Variants in ATP8B4 observed in about 807,000 individuals in gnomAD.
ATP8B4 encodes the protein ATPase phospholipid transporting 8B4 (putative), also known as probable phospholipid-transporting ATPase IM.
ATP8B4 carries 133 observed loss-of-function variants against 145.6 expected under a neutral mutation model. That is an observed-to-expected ratio of 0.91 (90% CI 0.79 to 1.05). The LOEUF is 1.05. Among genes scored for constraint, ATP8B4 ranks in the 50% least tolerant of loss-of-function variants. The pLI, the probability that ATP8B4 is intolerant of heterozygous loss-of-function variation, is 0.00. For synonymous variants in ATP8B4, 507 were observed against 492.9 expected (o/e 1.03, Z -0.38); for missense variants, 1,458 against 1,425.2 (o/e 1.02, Z -0.37).
At chr15:49,887,218 A>G (rs2036294186) in intron 23 of ATP8B4, among the ~76,000 whole-genome samples, 1 of 151,968 alleles carries the variant, frequency 6.6e-6, no homozygotes, top group Non-Finnish European at 1.5e-5. Context: ...TGTGGTCCTT[A>G]GATCCCCTTG....
At chr15:49,949,857 T>G (rs893274214) in intron 14 of ATP8B4, among the ~76,000 whole-genome samples, 2 of 152,170 alleles carry the variant, frequency 1.3e-5, no homozygotes, top group African/African-American at 2.4e-5. Context: ...TTATCGAGAG[T>G]TTTTAACATT....
chr15:49,893,337 A>G (rs1403034588), intron 23 of ATP8B4, among the ~76,000 whole-genome samples: 1 of 152,198 alleles, frequency 6.6e-6, no homozygotes, highest in African/African-American at 2.4e-5. Context: ...AGAACTCCCA[A>G]ATATTATTAT....
chr15:49,997,396 A>G (rs1258141330), intron 8 of ATP8B4, among the ~76,000 whole-genome samples: 7 of 152,110 alleles, frequency 4.6e-5, no homozygotes, highest in Non-Finnish European at 1.0e-4. Flanking sequence ...TATGGCCATC[A>G]CTTACGTCTT....
chr15:49,921,791 T>C (rs930691557), intron 17 of ATP8B4, among the ~76,000 whole-genome samples: 1 of 152,194 alleles, frequency 6.6e-6, no homozygotes, highest in African/African-American at 2.4e-5. Context: ...CAAATTTCTA[T>C]AGTAGGCAGT....
chr15:50,114,251 A>G (rs953336898), intron 1 of ATP8B4, among the ~76,000 whole-genome samples: 1 of 151,272 alleles, frequency 6.6e-6, no homozygotes, highest in Non-Finnish European at 1.5e-5. Flanking sequence ...GTAGTCCTTT[A>G]TTCCTCACTC....
intron 14 of ATP8B4, among the ~76,000 whole-genome samples, chr15:49,956,495 A>G (rs539267388): frequency 9.8e-5 from 15 of 152,334 alleles, no homozygotes; most frequent in Non-Finnish European, 1.8e-4. Flanking sequence ...AAACTGGCCC[A>G]AAGAGTTTAT....
intron 1 of ATP8B4, among the ~76,000 whole-genome samples, chr15:50,143,963 G>C (rs2044244549): frequency 6.6e-6 from 1 of 152,182 alleles, no homozygotes; most frequent in South Asian, 2.1e-4. Context: ...CTCAGTGAAA[G>C]GATGACATGT....
At chr15:50,138,322 A>ATAGGTAGG (rs770236485) in intron 1 of ATP8B4, among the ~76,000 whole-genome samples, 6 of 121,028 alleles carry the variant, frequency 5.0e-5, no homozygotes, top group South Asian at 6.0e-4. Context: ...AGATAGATAG[A>ATAGGTAGG]TAGGTAGATA....
At chr15:49,903,632 G>A (rs982462774) in intron 20 of ATP8B4, among the ~76,000 whole-genome samples, 2 of 152,184 alleles carry the variant, frequency 1.3e-5, no homozygotes, top group Admixed American at 1.3e-4. Flanking sequence ...AGTGGTTCAT[G>A]CCTGTAATCC....
chr15:49,971,860 T>C (rs1346023774), intron 13 of ATP8B4, among the ~76,000 whole-genome samples: 12 of 152,090 alleles, frequency 7.9e-5, no homozygotes, highest in Admixed American at 7.9e-4. Context: ...ACCAAAGACT[T>C]GGAACCTACC....
chr15:49,970,821 C>G (rs4617797), intron 13 of ATP8B4, among the ~76,000 whole-genome samples: 2 of 152,238 alleles, frequency 1.3e-5, no homozygotes, highest in East Asian at 3.9e-4. Flanking sequence ...CAAGACAATC[C>G]TAAGCAAAAA....
At chr15:49,927,054 C>T (rs4624113) in intron 16 of ATP8B4, among the ~76,000 whole-genome samples, 76,637 of 151,820 alleles carry the variant, frequency 0.5, 20,338 homozygotes, top group Middle Eastern at 0.58. Context: ...TGTTAATAGC[C>T]ACCTCTGAAT....
chr15:49,893,917 T>C (rs1010799012), intron 23 of ATP8B4, among the ~76,000 whole-genome samples: 1 of 152,234 alleles, frequency 6.6e-6, no homozygotes, highest in East Asian at 1.9e-4. Flanking sequence ...GTAAGTACTA[T>C]TTAAATGTTA....
intron 3 of ATP8B4, 107 bp from the exon 4 acceptor site, chr15:50,047,571 T>C: frequency 2.8e-6 from 2 of 726,172 alleles, no homozygotes; most frequent in Non-Finnish European, 4.7e-6. Flanking sequence ...ATAAGCCGGT[T>C]ATCTAGGAAA....
At chr15:50,071,752 C>T (rs1193628267) in intron 3 of ATP8B4, among the ~76,000 whole-genome samples, 2 of 152,084 alleles carry the variant, frequency 1.3e-5, no homozygotes, top group Non-Finnish European at 2.9e-5. Flanking sequence ...GAATTATAGC[C>T]CCTCCCTCTC....
intron 2 of ATP8B4, among the ~76,000 whole-genome samples, chr15:50,079,177 A>G (rs1190492341): frequency 6.6e-6 from 1 of 152,224 alleles, no homozygotes; most frequent in Non-Finnish European, 1.5e-5. Context: ...GTACCAAAAT[A>G]TCTAATGTAT....
At chr15:49,978,140 T>C (rs754551599) in intron 12 of ATP8B4, among the ~76,000 whole-genome samples, 16 of 152,194 alleles carry the variant, frequency 1.1e-4, no homozygotes, top group Admixed American at 3.3e-4. Flanking sequence ...ATACATAATA[T>C]ACTTCCTTTG....
chr15:49,982,146 G>A (rs2046209837), intron 10 of ATP8B4, among the ~76,000 whole-genome samples: 1 of 151,880 alleles, frequency 6.6e-6, no homozygotes, highest in African/African-American at 2.4e-5. Flanking sequence ...GGAGAAAGGG[G>A]GAAATTAAAG....
rs778043472 is a variant in ATP8B4 at position 49,972,781 on chromosome 15, T to A, written c.1044A>T (p.Val348=). Reference sequence around the variant, plus strand: ...TAAAATAACTGTGTCCTAGACGAATTACTTCCACACTATCATCCATTAAAA... The same window carrying A: ...TAAAATAACTGTGTCCTAGACGAATAACTTCCACACTATCATCCATTAAAA... ...VPISLYVSVE[V]IRLGHSYFIN... is the part of the protein sequence containing the mutation. Residue 348 remains valine, a synonymous_variant, in exon 13 of 28, where the codon GTA becomes GTT. Transcript: ENST00000284509. 1 of 1,613,488 alleles carries A rather than the reference T, an allele frequency of 6.2e-7. No homozygotes were observed. Among genetic ancestry groups the A allele is most frequent in the South Asian group, 1.1e-5 (1 of 91,020 alleles).
Sources: gnomAD v4.1 joint callset for allele counts (sites outside exome capture counted in the v4.1 genomes callset) on GRCh38, gnomAD v4.1.1 for gene constraint, MANE v1.5 for transcripts, NCBI Gene and HGNC (gene_info 2026-07-23, HGNC 2026-07-21) for gene names.